MYO3A: variants seen among roughly 807,000 people sequenced by gnomAD.
MYO3A encodes the protein myosin IIIA, also known as myosin-IIIa.
MYO3A carries 180 observed loss-of-function variants against 192.7 expected under a neutral mutation model. The observed-to-expected ratio is 0.93, with a 90% CI of 0.83 to 1.06. The LOEUF is 1.06. Among genes scored for constraint, MYO3A ranks in the 50% least tolerant of loss-of-function variants. MYO3A has a pLI of 0.00. For missense variants in MYO3A, 1,896 were observed against 1,905.0 expected (o/e 1.00, Z 0.09); for synonymous variants, 628 against 645.3 (o/e 0.97, Z 0.41).
chr10:25,978,442 T>C (rs1839094758), intron 4 of MYO3A, among the ~76,000 whole-genome samples: 1 of 152,174 alleles, frequency 6.6e-6, no homozygotes, highest in Non-Finnish European at 1.5e-5. Context: ...AACACCCCTT[T>C]CTATAACCAT....
At chr10:26,141,612 G>C (rs1301648218) in intron 20 of MYO3A, among the ~76,000 whole-genome samples, 3 of 152,152 alleles carry the variant, frequency 2.0e-5, no homozygotes, top group Non-Finnish European at 2.9e-5. Context: ...GACAAAAGTT[G>C]TTTTCAACTT....
chr10:25,944,078 T>C (rs1234908371), intron 2 of MYO3A, among the ~76,000 whole-genome samples: 2 of 151,958 alleles, frequency 1.3e-5, no homozygotes, highest in Non-Finnish European at 2.9e-5. Context: ...TTTTTTCTAT[T>C]CTTAGTTTGT....
rs555457810 is a variant in MYO3A, at chr10:26,060,598, A to G, written c.954-6377A>G. On this transcript the variant is annotated intron_variant, in intron 10 of 34. Transcript: ENST00000642920. ...TATGTTTTCCTTACAATTCTAATAT[A>G]TGGCACTTGGCATGTAGCTAAATCT... Among the ~76,000 whole-genome samples, 118 of 152,320 alleles carry G rather than the reference A, an allele frequency of 7.7e-4. No homozygotes were observed. In the Middle Eastern group the frequency reaches 0.017, roughly 22 times the overall value.
In MYO3A at chr10:26,154,824, G is replaced by A. The variant is rs1177734262; in HGVS notation, c.2793+1G>A. 1.2e-6 allele frequency: 2 copies of A among 1,608,966 alleles called. No individual in the cohort carries two copies. The highest frequency in any genetic ancestry group is 1.7e-6 in the Non-Finnish European group (2 of 1,176,422). On this transcript the variant is annotated splice_donor_variant, in intron 25 of 34. Transcript: ENST00000642920. LOFTEE classifies it high-confidence loss of function. ...ACAAACGGTTGCATCATATTTTAGAGTAAGATATTAAACTATGATGTATTG... is the reference window on the plus strand; with the variant it reads ...ACAAACGGTTGCATCATATTTTAGAATAAGATATTAAACTATGATGTATTG...
intron 15 of MYO3A, among the ~76,000 whole-genome samples, chr10:26,093,642 C>G (rs1195196667): frequency 6.6e-6 from 1 of 152,168 alleles, no homozygotes; most frequent in Non-Finnish European, 1.5e-5. Flanking sequence ...TGTATATTTA[C>G]CAAAGATTTG....
At chr10:25,937,758 A>G (rs567669276) in intron 2 of MYO3A, among the ~76,000 whole-genome samples, 1 of 152,354 alleles carries the variant, frequency 6.6e-6, no homozygotes, top group East Asian at 1.9e-4. Context: ...TACAAATACA[A>G]AAGTATTTAA....
At chr10:26,175,484 C>T (rs1842280429) in intron 30 of MYO3A, among the ~76,000 whole-genome samples, 2 of 152,096 alleles carry the variant, frequency 1.3e-5, no homozygotes, top group African/African-American at 2.4e-5. Context: ...TGGGTTAGTT[C>T]CAAGAAAGAC....
chr10:26,143,683 T>A (rs1390154143), intron 21 of MYO3A, 82 bp downstream of exon 21: 9 of 1,532,814 alleles, frequency 5.9e-6, no homozygotes, highest in Non-Finnish European at 8.1e-6. Flanking sequence ...TGGCTTTAAA[T>A]TATCTGGAAG....
At chr10:26,188,421 A>C (rs1391348134) in intron 31 of MYO3A, among the ~76,000 whole-genome samples, 3 of 151,854 alleles carry the variant, frequency 2.0e-5, no homozygotes, top group Admixed American at 6.6e-5. Context: ...GATTGCAAAA[A>C]TTTTCTCCCA....
intron 15 of MYO3A, among the ~76,000 whole-genome samples, chr10:26,094,745 G>A (rs1478404201): frequency 1.3e-5 from 2 of 152,050 alleles, no homozygotes; most frequent in Non-Finnish European, 2.9e-5. Context: ...TTTCTAAAGA[G>A]AGCAATAGTA....
At chr10:25,994,587 G>T (rs1235257293) in intron 4 of MYO3A, among the ~76,000 whole-genome samples, 1 of 152,198 alleles carries the variant, frequency 6.6e-6, no homozygotes, top group African/African-American at 2.4e-5. Flanking sequence ...ATTAGTTGAT[G>T]CAGTTTCTTC....
chr10:26,023,949 T>C, intron 8 of MYO3A, 73 bp from the exon 9 acceptor site: 2 of 1,336,504 alleles, frequency 1.5e-6, no homozygotes, highest in Non-Finnish European at 2.2e-6. Flanking sequence ...TGCATTAGTC[T>C]ATCTGGCTCT....
rs118018537 is a variant in MYO3A, at chr10:26,034,461, G to A, written c.953+7929G>A. 2.7e-4 allele frequency among the ~76,000 whole-genome samples: 41 copies of A among 152,296 alleles called. No homozygotes were observed. The East Asian group carries it at 7.7e-3, about 29-fold the overall frequency. ...TTCTTCACCTAGTTCAGTGTAAGTC[G>A]ATTCTAATGGCCCCATAGATGAAGT... On this transcript the variant is annotated intron_variant, in intron 10 of 34. Coordinates refer to ENST00000642920, the MANE Select transcript of MYO3A (RefSeq NM_017433.5).
chr10:26,154,160 T>G (rs552057430), intron 24 of MYO3A, among the ~76,000 whole-genome samples: 3 of 152,210 alleles, frequency 2.0e-5, no homozygotes, highest in Non-Finnish European at 4.4e-5. Context: ...AGCTAGTTTT[T>G]GGGGGGCAGT....
intron 4 of MYO3A, among the ~76,000 whole-genome samples, chr10:25,975,180 T>C (rs1204668457): frequency 6.6e-6 from 1 of 152,180 alleles, no homozygotes; most frequent in Non-Finnish European, 1.5e-5. Flanking sequence ...AGATGTAGCA[T>C]TTAAATGTAC....
intron 14 of MYO3A, among the ~76,000 whole-genome samples, chr10:26,073,209 A>C (rs1400833646): frequency 1.3e-5 from 2 of 150,474 alleles, no homozygotes; most frequent in Non-Finnish European, 3.0e-5. Flanking sequence ...GGGTGACAGA[A>C]CAAGACCCTG....
At chr10:26,149,493 C>T (rs1402956227) in intron 23 of MYO3A, among the ~76,000 whole-genome samples, 1 of 152,168 alleles carries the variant, frequency 6.6e-6, no homozygotes, top group African/African-American at 2.4e-5. Flanking sequence ...CCTCGGCCTC[C>T]CAAGGTGCTG....
intron 6 of MYO3A, among the ~76,000 whole-genome samples, chr10:25,999,268 A>G (rs1326862003): frequency 1.3e-5 from 2 of 152,204 alleles, no homozygotes; most frequent in East Asian, 3.8e-4. Flanking sequence ...GTCTTATATT[A>G]TTTGATTTAT....
rs547362595 is a variant in MYO3A, at chr10:26,009,376, A to C, written c.509-7444A>C. Reference sequence around the variant, plus strand: ...TGTGCACATGTACCCTAAAACTTAAAGTATAATAATAATAAAATAAATTTT... The same window carrying C: ...TGTGCACATGTACCCTAAAACTTAACGTATAATAATAATAAAATAAATTTT... On this transcript the variant is annotated intron_variant, in intron 6 of 34. Transcript: ENST00000642920. Among the ~76,000 whole-genome samples the C allele has an allele frequency of 1.1e-4, 16 of 152,306 alleles. No individual in the cohort carries two copies. The East Asian group carries it at 2.5e-3, about 24-fold the overall frequency.
Sources: gnomAD v4.1 joint callset for allele counts (sites outside exome capture counted in the v4.1 genomes callset) on GRCh38, gnomAD v4.1.1 for gene constraint, MANE v1.5 for transcripts, NCBI Gene and HGNC (gene_info 2026-07-23, HGNC 2026-07-21) for gene names.